CEP72: variants seen among roughly 807,000 people sequenced by gnomAD.
The protein encoded by CEP72 is centrosomal protein of 72 kDa.
Under a neutral mutation model 65.7 loss-of-function variants are expected in CEP72, and 78 were observed. The ratio of observed to expected loss-of-function variants is 1.19; its 90% CI spans 0.99 to 1.43. The LOEUF (loss-of-function observed/expected upper bound fraction) is 1.43. Among genes scored for constraint, CEP72 ranks in the 40% most tolerant of loss-of-function variants. The probability of loss-of-function intolerance (pLI) is 0.00; values close to 1 mark genes in which losing one functional copy is unlikely to be tolerated. For synonymous variants in CEP72, 358 were observed against 351.7 expected, an observed-to-expected ratio of 1.02 and a Z score of -0.20; for missense variants, 914 against 832.9, an observed-to-expected ratio of 1.10 and a Z score of -1.20.
At chr5:616,256 A>G (rs765895910) in intron 1 of CEP72, among the ~76,000 whole-genome samples, 5 of 151,762 alleles carry the variant, frequency 3.3e-5, no homozygotes, top group Non-Finnish European at 7.4e-5. Flanking sequence ...TGTCATCTCC[A>G]TTTTGCTATT....
chr5:634,442 T>G (rs1194834644), intron 5 of CEP72, among the ~76,000 whole-genome samples: 1 of 152,216 alleles, frequency 6.6e-6, no homozygotes, highest in Non-Finnish European at 1.5e-5. Flanking sequence ...CCGCTGTGAG[T>G]TTCTGAGAAC....
intron 4 of CEP72, among the ~76,000 whole-genome samples, chr5:626,388 G>A (rs368998514): frequency 1.3e-5 from 2 of 152,342 alleles, no homozygotes; most frequent in African/African-American, 2.4e-5. Flanking sequence ...TCTTCATGCG[G>A]AGAAGGCTCT....
chr5:645,673 C>T lies in CEP72; in HGVS notation c.1666+1248C>T, dbSNP rs1287033947. On this transcript the variant is annotated intron_variant, in intron 10 of 11. Transcript: ENST00000264935. This position sits in a 1 kb window ranked among gnomAD's most constrained non-coding sequence, Gnocchi z 4.0. ...GGCATCTGATCAGCACTGGTACCCG[C>T]TCCACGCCCTGAGCTGCTGGGATAG... is the stretch of plus-strand genomic sequence containing the variant. Among the ~76,000 whole-genome samples the T allele has an allele frequency of 1.3e-5, 2 of 152,262 alleles. No homozygotes were observed. The highest frequency in any genetic ancestry group is 4.8e-5 in the African/African-American group (2 of 41,470).
chr5:640,107 G>A (rs1237312116), intron 8 of CEP72, among the ~76,000 whole-genome samples: 1 of 152,248 alleles, frequency 6.6e-6, no homozygotes, highest in Non-Finnish European at 1.5e-5. Flanking sequence ...ACACAGGGCA[G>A]TCGGTGCTTG....
chr5:619,302 G>A (rs1259123788), intron 2 of CEP72, among the ~76,000 whole-genome samples, 185 bp downstream of exon 2: 3 of 152,158 alleles, frequency 2.0e-5, no homozygotes, highest in South Asian at 4.1e-4. Context: ...TTGTGTTGTC[G>A]CCCTCTGATG....
downstream of CEP72, among the ~76,000 whole-genome samples, chr5:668,821 C>T (rs1014167889): frequency 4.6e-5 from 7 of 152,254 alleles, no homozygotes; most frequent in African/African-American, 7.2e-5. Context: ...GTGATGTGTG[C>T]GCACGTGGAC....
At chr5:649,220 AG>A (rs1738721296) in intron 11 of CEP72, among the ~76,000 whole-genome samples, 1 of 71,484 alleles carries the variant, frequency 1.4e-5, no homozygotes, top group African/African-American at 7.6e-5. Context: ...GTGGACTGTG[AG>A]GTGTGACTGT....
rs1045752379 is a variant in CEP72, at chr5:634,957, G to A, written c.692-415G>A. Among the ~76,000 whole-genome samples, 6 of 152,212 alleles carry A rather than the reference G, an allele frequency of 3.9e-5. No homozygotes were observed. In the South Asian group the frequency reaches 6.2e-4, roughly 16 times the overall value. On this transcript the variant is annotated intron_variant, in intron 5 of 11. Coordinates refer to ENST00000264935, the MANE Select transcript of CEP72 (RefSeq NM_018140.4). ...GCCGCCCAGGCTGGAGTGCAGTGGC[G>A]CAATCTTGGCTTGCTGCAGCCTTTG... is the stretch of plus-strand genomic sequence containing the variant.
At chr5:644,935 T>C (rs1738315005) in intron 10 of CEP72, among the ~76,000 whole-genome samples, 1 of 152,166 alleles carries the variant, frequency 6.6e-6, no homozygotes, top group African/African-American at 2.4e-5. Flanking sequence ...TTGTTCTGTT[T>C]TGCTATTTTT....
chr5:654,936 T>G (rs968377430), downstream of CEP72, among the ~76,000 whole-genome samples: 1 of 152,260 alleles, frequency 6.6e-6, no homozygotes, highest in Non-Finnish European at 1.5e-5. Flanking sequence ...CCTTGTTCTC[T>G]CATCCTTTCC....
At position 666,230 on chromosome 5, in the gene CEP72, G is replaced by T. The variant is rs1739907417; in HGVS notation, n.592+131G>T. On this transcript the variant is annotated intron_variant and non_coding_transcript_variant, in intron 4 of 4. Coordinates refer to the CEP72 transcript ENST00000514507. Reference sequence around the variant, plus strand: ...GACAGCCATGGCCCAGCAGCCCACAGGCTTCACCCACAGGCGGCCGCCCTG... The same window carrying T: ...GACAGCCATGGCCCAGCAGCCCACATGCTTCACCCACAGGCGGCCGCCCTG... The T allele has an allele frequency of 5.2e-6, 7 of 1,359,120 alleles. No homozygotes were observed. The South Asian group carries it at 5.5e-5, about 11-fold the overall frequency. The allele number at this position is 1,359,120 out of a possible 1,614,324, so 84.2% of individuals were successfully genotyped here. A position where few individuals can be genotyped will look rare whatever the true frequency, so the allele number is the denominator to read the frequency against.
At chr5:627,258 G>A (rs981059282) in intron 4 of CEP72, among the ~76,000 whole-genome samples, 3 of 152,194 alleles carry the variant, frequency 2.0e-5, no homozygotes, top group Non-Finnish European at 4.4e-5. Context: ...ACGTTGGTGG[G>A]CCTAGATAGA....
At chr5:628,775 G>A (rs1050199981) in intron 4 of CEP72, among the ~76,000 whole-genome samples, 4 of 140,642 alleles carry the variant, frequency 2.8e-5, no homozygotes, top group African/African-American at 7.8e-5. Context: ...GTGTTCCCAC[G>A]ACCCAGCCCC....
chr5:633,941 T>C lies in CEP72; in HGVS notation c.685T>C (p.Ser229Pro). 4 of 1,611,514 alleles carry C rather than the reference T, an allele frequency of 2.5e-6. No individual in the cohort carries two copies. Among genetic ancestry groups the C allele is most frequent in the Non-Finnish European group, 3.4e-6 (4 of 1,179,988 alleles). ...QKGREADSRG[S>P]QESRHLLSPQ... ...GGGGCGTGAGGCCGACTCTCGTGGT[T>C]CCCAAGGTGCGCTGCTCATCTGCCA... Residue 229 changes from serine to proline, a missense_variant, in exon 5 of 12, where the codon TCC (serine) becomes CCC (proline). Physicochemically the swap from Ser to Pro is moderately conservative, Grantham distance 74. Coordinates refer to ENST00000264935, the MANE Select transcript of CEP72 (RefSeq NM_018140.4).
downstream of CEP72, among the ~76,000 whole-genome samples, chr5:671,221 G>T (rs1397210361): frequency 1.3e-5 from 2 of 151,702 alleles, no homozygotes; most frequent in African/African-American, 4.9e-5. Flanking sequence ...ATTTTGCGTT[G>T]CTGCCGGCCT....
chr5:673,882 A>C, the CEP72 span, among the ~76,000 whole-genome samples: 1 of 152,184 alleles, frequency 6.6e-6, no homozygotes, highest in Non-Finnish European at 1.5e-5. Context: ...TCATTCTCCA[A>C]ATGAGCCACA....
At chr5:612,849 T>C (rs1463712433) in intron 1 of CEP72, among the ~76,000 whole-genome samples, 1 of 152,106 alleles carries the variant, frequency 6.6e-6, no homozygotes, top group African/African-American at 2.4e-5. Context: ...TGGTGGCCGG[T>C]TTCCTTCTTT....
the CEP72 span, among the ~76,000 whole-genome samples, chr5:675,502 G>GGTA: frequency 1.2e-4 from 17 of 145,052 alleles, no homozygotes; most frequent in South Asian, 4.4e-4. Flanking sequence ...TGTGGCCGGG[G>GGTA]CTGCAGTGTG....
Position 653,327 on chromosome 5 carries a change from C to A in CEP72, c.*174C>A. On this transcript the variant is annotated 3_prime_UTR_variant, in exon 12 of 12. Coordinates refer to ENST00000264935, the MANE Select transcript of CEP72 (RefSeq NM_018140.4). Reference sequence around the variant, plus strand: ...TGTAGCTTGGTTTTCTAAAGCACCTCGTAAAATGATATGATTACTCCAAGC... The same window carrying A: ...TGTAGCTTGGTTTTCTAAAGCACCTAGTAAAATGATATGATTACTCCAAGC... 1 of 548,786 alleles carries A rather than the reference C, an allele frequency of 1.8e-6. No individual in the cohort carries two copies. The highest frequency in any genetic ancestry group is 3.1e-6 in the Non-Finnish European group (1 of 326,404). 34.0% of individuals were successfully genotyped at this position (548,786 alleles called of 1,614,324 possible).
Sources: allele counts gnomAD v4.1 joint callset (sites outside exome capture counted in the v4.1 genomes callset), GRCh38; gene constraint gnomAD v4.1.1; non-coding constraint Gnocchi (gnomAD v3.1); transcripts MANE v1.5; gene names NCBI Gene and HGNC (gene_info 2026-07-23, HGNC 2026-07-21).